PPIL6: variants seen among roughly 807,000 people sequenced by gnomAD.
PPIL6 encodes peptidylprolyl isomerase like 6, also known as probable inactive peptidyl-prolyl cis-trans isomerase-like 6.
PPIL6 carries 39 observed loss-of-function variants against 36.8 expected under a neutral mutation model. The ratio of observed to expected loss-of-function variants is 1.06; its 90% CI spans 0.82 to 1.38. The LOEUF (loss-of-function observed/expected upper bound fraction) is 1.38, where lower values mean the gene tolerates loss of function less well. Among genes scored for constraint, PPIL6 ranks in the 40% most tolerant of loss-of-function variants. PPIL6 has a pLI of 0.00. For missense variants in PPIL6, 368 were observed against 379.1 expected (o/e 0.97, Z 0.24); for synonymous variants, 123 against 134.1 (o/e 0.92, Z 0.57).
chr6:109,414,043 G>A (rs577348664), intron 6 of PPIL6, among the ~76,000 whole-genome samples: 55 of 152,162 alleles, frequency 3.6e-4, no homozygotes, highest in Admixed American at 5.2e-4. Flanking sequence ...GTAAGACCTC[G>A]TATTTGATAG....
intron 6 of PPIL6, chr6:109,403,123 C>G: frequency 6.8e-7 from 1 of 1,468,856 alleles, no homozygotes; most frequent in South Asian, 1.4e-5. Context: ...AATTAAAGAG[C>G]TATAATTTAA....
chr6:109,430,986 C>T (rs1774112235), intron 3 of PPIL6, among the ~76,000 whole-genome samples, 171 bp downstream of exon 3: 1 of 152,186 alleles, frequency 6.6e-6, no homozygotes, highest in Non-Finnish European at 1.5e-5. Flanking sequence ...GACACACTTG[C>T]TTTACATACC....
At chr6:109,397,800 G>A (rs181154821) in intron 7 of PPIL6, among the ~76,000 whole-genome samples, 1 of 152,136 alleles carries the variant, frequency 6.6e-6, no homozygotes, top group Admixed American at 6.5e-5. Context: ...AGTTGGTAGA[G>A]GACAGAGACT....
At chr6:109,422,650 A>G (rs1351612991) in intron 5 of PPIL6, among the ~76,000 whole-genome samples, 3 of 152,322 alleles carry the variant, frequency 2.0e-5, no homozygotes, top group Non-Finnish European at 4.4e-5. Flanking sequence ...TCACATAATA[A>G]TATACACTGG....
intron 5 of PPIL6, among the ~76,000 whole-genome samples, chr6:109,422,645 T>C (rs1441546875): frequency 6.6e-6 from 1 of 152,076 alleles, no homozygotes; most frequent in Non-Finnish European, 1.5e-5. Context: ...CAAAGTCACA[T>C]AATAATATAC....
chr6:109,418,540 CT>C (rs1387311366), intron 6 of PPIL6, among the ~76,000 whole-genome samples: 14 of 145,534 alleles, frequency 9.6e-5, no homozygotes, highest in Non-Finnish European at 1.8e-4. Context: ...CAACAGCAAT[CT>C]TTTTTTCTTT....
intron 6 of PPIL6, among the ~76,000 whole-genome samples, chr6:109,414,477 C>CT (rs146541023): frequency 0.015 from 1,284 of 86,480 alleles, 36 homozygotes; most frequent in Non-Finnish European, 0.019. Flanking sequence ...TGTCTTTTAG[C>CT]TTTTTTTTTT....
chr6:109,424,984 T>C (rs1773739633), intron 5 of PPIL6, among the ~76,000 whole-genome samples: 1 of 152,204 alleles, frequency 6.6e-6, no homozygotes, highest in South Asian at 2.1e-4. Flanking sequence ...TTACTTTCAC[T>C]TTACTCAACA....
At chr6:109,407,441 G>A (rs1407955517) in intron 6 of PPIL6, among the ~76,000 whole-genome samples, 2 of 152,004 alleles carry the variant, frequency 1.3e-5, no homozygotes, top group South Asian at 2.1e-4. Flanking sequence ...GGGTTTTGCC[G>A]TGTTAGCCAG....
upstream of PPIL6, chr6:109,440,830 T>C (rs1774825343): frequency 1.0e-5 from 4 of 397,236 alleles, no homozygotes; most frequent in Non-Finnish European, 1.3e-5. Flanking sequence ...GGGGGCGCTC[T>C]CCGGACCCCC....
rs1382521619 is a variant in PPIL6 at position 109,402,963 on chromosome 6, C to T, written c.689-2793G>A. 8 of 1,011,214 alleles carry T rather than the reference C, an allele frequency of 7.9e-6. No individual in the cohort carries two copies. The African/African-American group carries it at 1.3e-4, about 17-fold the overall frequency. The allele number at this position is 1,011,214 out of a possible 1,614,324, so 62.6% of individuals were successfully genotyped here. On this transcript the variant is annotated intron_variant, in intron 6 of 7. Transcript: ENST00000521072. ...TTTGCAGACATAAAGTATTACAAGA[C>T]AAGGGTAATTTACGTGTTATTTTGT... is the stretch of plus-strand genomic sequence containing the variant.
At position 109,390,930 on chromosome 6, in the gene PPIL6, C is replaced by CT. The variant is rs1295313622; in HGVS notation, c.*1895dup. 6.6e-6 allele frequency: 1 copy of CT among 152,172 alleles called. No individual in the cohort carries two copies. Among genetic ancestry groups the CT allele is most frequent in the Non-Finnish European group, 1.5e-5 (1 of 68,026 alleles). The allele number at this position is 152,172 out of a possible 1,614,324, so 9.4% of individuals were successfully genotyped here. On this transcript the variant is annotated 3_prime_UTR_variant, in exon 8 of 8. Coordinates refer to ENST00000521072, the MANE Select transcript of PPIL6 (RefSeq NM_173672.5). ...CCTCATATCCATTAGAAGCCTGCCT[C>CT]TTTAAGACTGATGTAAATAGAGATT...
intron 1 of PPIL6, among the ~76,000 whole-genome samples, chr6:109,439,658 T>C (rs1049334072): frequency 2.0e-5 from 3 of 152,190 alleles, no homozygotes; most frequent in Non-Finnish European, 4.4e-5. Context: ...GGGAACATTT[T>C]GTTGTCAAGT....
At chr6:109,438,118 T>C (rs1273608242) in intron 1 of PPIL6, among the ~76,000 whole-genome samples, 1 of 152,164 alleles carries the variant, frequency 6.6e-6, no homozygotes, top group Non-Finnish European at 1.5e-5. Flanking sequence ...GATGTCTCAA[T>C]ACATATAATG....
intron 6 of PPIL6, among the ~76,000 whole-genome samples, chr6:109,415,215 T>G (rs919536039): frequency 1.3e-5 from 2 of 152,190 alleles, no homozygotes; most frequent in Non-Finnish European, 2.9e-5. Context: ...CTTTTTCATT[T>G]CTCTAGCAAT....
intron 2 of PPIL6, among the ~76,000 whole-genome samples, chr6:109,435,615 C>CAAAAACAAGAACA (rs1774402037): frequency 1.3e-5 from 2 of 148,622 alleles, no homozygotes; most frequent in African/African-American, 4.9e-5. Context: ...TAGTCAAAAA[C>CAAAAACAAGAACA]AAAAACAAGA....
Position 109,400,019 on chromosome 6 carries a change from T to C in PPIL6, c.824+16A>G, listed in dbSNP as rs1772463591. 1 of 1,573,854 alleles carries C rather than the reference T, an allele frequency of 6.4e-7. No individual in the cohort carries two copies. The highest frequency in any genetic ancestry group is 8.7e-7 in the Non-Finnish European group (1 of 1,151,830). ...CAGGTGTGAATATTATATAAATAGATCTACAATATACATACCCAAAAGCCA... is the reference window on the plus strand; with the variant it reads ...CAGGTGTGAATATTATATAAATAGACCTACAATATACATACCCAAAAGCCA... On this transcript the variant is annotated intron_variant, in intron 7 of 7. Coordinates refer to ENST00000521072, the MANE Select transcript of PPIL6 (RefSeq NM_173672.5).
chr6:109,440,063 A>C (rs1774718567), intron 1 of PPIL6: 5 of 266,660 alleles, frequency 1.9e-5, no homozygotes, highest in Non-Finnish European at 3.7e-5. Flanking sequence ...GGGGTTGTAA[A>C]AATTAGCTAG....
In PPIL6 at chr6:109,391,798, A is replaced by G. The variant is rs1772107450; in HGVS notation, c.*1028T>C. 6.6e-6 allele frequency: 1 copy of G among 152,228 alleles called. No individual in the cohort carries two copies. Among genetic ancestry groups the G allele is most frequent in the African/African-American group, 2.4e-5 (1 of 41,462 alleles). The allele number at this position is 152,228 out of a possible 1,614,324, so 9.4% of individuals were successfully genotyped here. A position where few individuals can be genotyped will look rare whatever the true frequency, so the allele number is the denominator to read the frequency against. On this transcript the variant is annotated 3_prime_UTR_variant, in exon 8 of 8. Coordinates refer to ENST00000521072, the MANE Select transcript of PPIL6 (RefSeq NM_173672.5). ...AGGGTTGGTATGGCTCAGAGAGATA[A>G]GGATGATGTTCATGTCATATATGAA...
Sources: gnomAD v4.1 joint callset for allele counts (sites outside exome capture counted in the v4.1 genomes callset) on GRCh38, gnomAD v4.1.1 for gene constraint, MANE v1.5 for transcripts, NCBI Gene and HGNC (gene_info 2026-07-23, HGNC 2026-07-21) for gene names.